Variants in HEG1 observed in about 807,000 individuals in gnomAD.
The protein encoded by HEG1 is heart development protein with EGF like domains 1, also known as protein HEG homolog 1.
In HEG1, 56 loss-of-function variants were observed where a neutral mutation model predicts 125.6. The observed-to-expected ratio is 0.45, with a 90% CI of 0.36 to 0.56. The LOEUF is 0.56. Ranked by LOEUF, HEG1 falls within the 20% of genes least tolerant of loss-of-function variation. The pLI is 0.00. For missense variants in HEG1, 1,523 were observed against 1,670.0 expected, an observed-to-expected ratio of 0.91 and a Z score of 1.53; for synonymous variants, 644 against 668.5, an observed-to-expected ratio of 0.96 and a Z score of 0.57.
intron 5 of HEG1, among the ~76,000 whole-genome samples, chr3:125,015,672 G>A (rs1026020167): frequency 6.6e-6 from 1 of 152,126 alleles, no homozygotes; most frequent in African/African-American, 2.4e-5. Context: ...CAAACCTAAA[G>A]GGTCTTAGAA....
intron 11 of HEG1, among the ~76,000 whole-genome samples, chr3:124,999,429 A>G (rs931515237): frequency 1.3e-5 from 2 of 152,236 alleles, no homozygotes; most frequent in African/African-American, 4.8e-5. Context: ...TAATATAAAG[A>G]AATTCCTCCA....
intron 1 of HEG1, among the ~76,000 whole-genome samples, chr3:125,031,526 G>C (rs1461921327): frequency 1.3e-5 from 2 of 152,164 alleles, no homozygotes; most frequent in Non-Finnish European, 2.9e-5. Context: ...AATGGGGACT[G>C]TGGGCATTGG....
chr3:124,966,431 T>C lies in HEG1; in HGVS notation c.*4221A>G, dbSNP rs990752636. The C allele has an allele frequency of 6.6e-6, 1 of 152,184 alleles. No individual in the cohort carries two copies. Among genetic ancestry groups the C allele is most frequent in the Non-Finnish European group, 1.5e-5 (1 of 68,040 alleles). 9.4% of individuals were successfully genotyped at this position (152,184 alleles called of 1,614,324 possible). A position where few individuals can be genotyped will look rare whatever the true frequency, so the allele number is the denominator to read the frequency against. On this transcript the variant is annotated 3_prime_UTR_variant, in exon 17 of 17. Transcript: ENST00000311127. ...TTCCTACTATTTTAGTCAGTTCTCT[T>C]CCTTGGAGATTTAAGAAAAAAAGAA... is the stretch of plus-strand genomic sequence containing the variant.
intron 1 of HEG1, among the ~76,000 whole-genome samples, chr3:125,039,080 TC>T (rs1181806232): frequency 1.3e-5 from 2 of 152,252 alleles, no homozygotes; most frequent in African/African-American, 4.8e-5. Context: ...ATACCATCCT[TC>T]CCTCTGTACT....
At chr3:124,987,952 C>CACACACACACACACATATATATATATAT in intron 14 of HEG1, among the ~76,000 whole-genome samples, 59 of 54,666 alleles carry the variant, frequency 1.1e-3, no homozygotes, top group African/African-American at 2.3e-3. Flanking sequence ...CACACACACA[C>CACACACACACACACATATATATATATAT]ATATATATAT....
chr3:125,019,802 A>G (rs2033553138), intron 4 of HEG1, among the ~76,000 whole-genome samples: 3 of 152,312 alleles, frequency 2.0e-5, no homozygotes, highest in South Asian at 2.1e-4. Flanking sequence ...AAAAAATATA[A>G]CTTGTTGAAC....
chr3:124,999,086 A>G (rs912344598), intron 11 of HEG1, among the ~76,000 whole-genome samples: 4 of 152,280 alleles, frequency 2.6e-5, no homozygotes, highest in Middle Eastern at 3.4e-3. Flanking sequence ...GCCACCCCAC[A>G]TGGGGTTCCT....
rs1049000906 is a variant in HEG1, at chr3:125,013,018, A to C, written c.2561T>G (p.Met854Arg). 2.5e-6 allele frequency: 4 copies of C among 1,613,948 alleles called. No homozygotes were observed. Among genetic ancestry groups the C allele is most frequent in the Non-Finnish European group, 3.4e-6 (4 of 1,179,916 alleles). The change falls in exon 6 of 17, where the codon ATG (methionine) becomes AGG (arginine). Residue 854 changes from methionine to arginine, a missense_variant. Coordinates refer to ENST00000311127, the MANE Select transcript of HEG1 (RefSeq NM_020733.2). ...GCTTGACAGGGTGCCAGGAGTGGTC[A>C]TAAGAGGCTGAGAGGTCTTCAGAAT... is the stretch of plus-strand genomic sequence containing the variant. ...TTILKTSQPL[M>R]TTPGTLSSTA...
chr3:125,015,570 A>G (rs1937232968), intron 5 of HEG1, among the ~76,000 whole-genome samples: 1 of 152,202 alleles, frequency 6.6e-6, no homozygotes. Flanking sequence ...TTTAAAATGC[A>G]TGTGTTTTAT....
At chr3:125,007,345 G>C (rs1245518411) in intron 8 of HEG1, among the ~76,000 whole-genome samples, 1 of 152,050 alleles carries the variant, frequency 6.6e-6, no homozygotes, top group African/African-American at 2.4e-5. Context: ...ACTCACTCCA[G>C]GCAGAGTTTT....
intron 14 of HEG1, among the ~76,000 whole-genome samples, chr3:124,981,420 G>GT (rs1477517999): frequency 6.6e-6 from 1 of 152,126 alleles, no homozygotes; most frequent in Non-Finnish European, 1.5e-5. Flanking sequence ...CCATGGTCCA[G>GT]TAACAGTTCA....
intron 11 of HEG1, among the ~76,000 whole-genome samples, chr3:125,000,691 G>A (rs1936987603): frequency 6.6e-6 from 1 of 151,760 alleles, no homozygotes; most frequent in African/African-American, 2.4e-5. Flanking sequence ...TGGCTCCCAA[G>A]CTCTGTAATA....
rs901848460 is a variant in HEG1, at chr3:124,981,548, A to C, written c.3734-3602T>G. Among the ~76,000 whole-genome samples the C allele has an allele frequency of 2.0e-5, 3 of 152,244 alleles. 1 individual carries two copies. The highest frequency in any genetic ancestry group is 2.0e-4 in the Admixed American group (3 of 15,286). On this transcript the variant is annotated intron_variant, in intron 14 of 16. Coordinates refer to ENST00000311127, the MANE Select transcript of HEG1 (RefSeq NM_020733.2). The stretch of plus-strand genomic sequence containing the variant: ...CCAGATTCCTGGTCCCTGCTCCAAG[A>C]AATTTGGTTCAGTCATACTGGGCAG...
In HEG1 at chr3:124,975,842, T is replaced by C. The variant is rs551510507; in HGVS notation, c.3822-1937A>G. On this transcript the variant is annotated intron_variant, in intron 15 of 16. Transcript: ENST00000311127. ...GTATTTTCAGGGTTCACCCATGTTA[T>C]AGTATGTATCAGTACTTCATTCATT... Among the ~76,000 whole-genome samples, 17 of 152,400 alleles carry C rather than the reference T, an allele frequency of 1.1e-4. No homozygotes were observed. In the South Asian group the frequency reaches 2.9e-3, roughly 26 times the overall value.
Position 125,013,579 on chromosome 3 carries a change from G to T in HEG1, c.2000C>A (p.Ser667Tyr). 1 of 1,596,378 alleles carries T rather than the reference G, an allele frequency of 6.3e-7. No individual in the cohort carries two copies. Among genetic ancestry groups the T allele is most frequent in the Non-Finnish European group, 8.5e-7 (1 of 1,171,636 alleles). Residue 667 changes from serine (S) to tyrosine (Y), a missense_variant, in exon 6 of 17, where the codon TCC (serine) becomes TAC (tyrosine). Physicochemically the swap from Ser to Tyr is moderately radical, Grantham distance 144 (BLOSUM62 -2). Transcript: ENST00000311127. ...AGGAGGCCCTGAAGAAGAAGAAGAG[G>T]AGGAGGAGGAAGAGGAGGAGGAGGA... ...SDSSSSSSSS[S>Y]SSSSSGPPLP...
chr3:125,017,968 G>A (rs1019155248), intron 5 of HEG1, among the ~76,000 whole-genome samples: 1 of 151,980 alleles, frequency 6.6e-6, no homozygotes, highest in Non-Finnish European at 1.5e-5. Flanking sequence ...GTCGGAGATT[G>A]CAGTGAGCCG....
At chr3:125,046,351 ACTTTT>A (rs1477440064) in intron 1 of HEG1, among the ~76,000 whole-genome samples, 2 of 151,512 alleles carry the variant, frequency 1.3e-5, no homozygotes, top group African/African-American at 2.4e-5. Flanking sequence ...AAAATTTGCT[ACTTTT>A]CTTTTTTCAT....
chr3:125,035,874 A>G (rs1418859363), intron 1 of HEG1, among the ~76,000 whole-genome samples: 1 of 152,170 alleles, frequency 6.6e-6, no homozygotes, highest in Non-Finnish European at 1.5e-5. Flanking sequence ...CATGTTGCAT[A>G]GCAGAAGCGT....
In HEG1 at chr3:125,013,958, T is replaced by A. The variant is rs778119461; in HGVS notation, c.1621A>T (p.Thr541Ser). 1.7e-5 allele frequency: 27 copies of A among 1,612,076 alleles called. No individual in the cohort carries two copies. The highest frequency in any genetic ancestry group is 1.6e-4 in the Middle Eastern group (1 of 6,084). Residue 541 changes from threonine (T) to serine (S), a missense_variant, in exon 6 of 17, where the codon ACA becomes TCA. Physicochemically the swap from Thr to Ser is moderately conservative, Grantham distance 58. Coordinates refer to ENST00000311127, the MANE Select transcript of HEG1 (RefSeq NM_020733.2). ...AGISYGQVRG[T>S]AIEQRTSSDH... is the part of the protein sequence containing the mutation. ...CTGGAAGTCCTTTGTTCAATAGCTG[T>A]GCCACGCACTTGACCGTAGCTAATC...
Sources: gnomAD v4.1 joint callset for allele counts (sites outside exome capture counted in the v4.1 genomes callset) on GRCh38, gnomAD v4.1.1 for gene constraint, MANE v1.5 for transcripts, NCBI Gene and HGNC (gene_info 2026-07-23, HGNC 2026-07-21) for gene names.